The following RBFOX1 variants were observed in gnomAD, a reference collection of about 807,000 sequenced individuals.
RBFOX1 encodes the protein RNA binding protein fox-1 homolog 1.
Under a neutral mutation model 57.7 loss-of-function variants are expected in RBFOX1, and 8 were observed. The ratio of observed to expected loss-of-function variants is 0.14; its 90% CI spans 0.08 to 0.25. The LOEUF (loss-of-function observed/expected upper bound fraction) is 0.25, where lower values mean the gene tolerates loss of function less well. Among genes scored for constraint, RBFOX1 ranks in the 10% least tolerant of loss-of-function variants. The probability of loss-of-function intolerance (pLI) is 1.00; values close to 1 mark genes in which losing one functional copy is unlikely to be tolerated. For missense variants in RBFOX1, 611 were observed against 548.5 expected, an observed-to-expected ratio of 1.11 and a Z score of -1.14; for synonymous variants, 326 against 222.4, an observed-to-expected ratio of 1.47 and a Z score of -4.15.
In RBFOX1 at chr16:6,047,309, C is replaced by T. The variant is rs573622648; in HGVS notation, c.-127+27317C>T. Among the ~76,000 whole-genome samples, 216 of 152,314 alleles carry T rather than the reference C, an allele frequency of 1.4e-3. 1 individual carries two copies. The highest frequency in any genetic ancestry group is 5.1e-3 in the African/African-American group (210 of 41,578). ...TTAGGCTGACCATCTCCCCATTCCC[C>T]AAGTCTGATTCCTGGGCAGGATGCC... On this transcript the variant is annotated intron_variant, in intron 1 of 15. Transcript: ENST00000550418.
chr16:7,336,926 G>A (rs759663779), intron 4 of RBFOX1, among the ~76,000 whole-genome samples: 1 of 152,084 alleles, frequency 6.6e-6, no homozygotes, highest in African/African-American at 2.4e-5. Flanking sequence ...CATGTATTTT[G>A]CTGTAGGAAT....
chr16:6,930,840 G>T (rs2076384917), intron 3 of RBFOX1, among the ~76,000 whole-genome samples: 1 of 152,072 alleles, frequency 6.6e-6, no homozygotes, highest in African/African-American at 2.4e-5. Context: ...GTAAGAGAAT[G>T]TTCTGGATCA....
intron 3 of RBFOX1, among the ~76,000 whole-genome samples, chr16:7,012,567 T>C (rs2093703117): frequency 6.6e-6 from 1 of 152,190 alleles, no homozygotes; most frequent in African/African-American, 2.4e-5. Flanking sequence ...CTTTCTCTCT[T>C]GTACAGTGTG....
intron 3 of RBFOX1, among the ~76,000 whole-genome samples, chr16:6,934,613 G>T (rs777808498): frequency 6.6e-6 from 1 of 152,128 alleles, no homozygotes; most frequent in Non-Finnish European, 1.5e-5. Context: ...TGGAACTGGA[G>T]GTCATTGTGT....
At chr16:5,358,379 C>A (rs1360155537) in intron 1 of RBFOX1, among the ~76,000 whole-genome samples, 3 of 150,364 alleles carry the variant, frequency 2.0e-5, no homozygotes, top group Non-Finnish European at 1.5e-5. Flanking sequence ...GGGGTTAAGA[C>A]TTTAACACAT....
intron 15 of RBFOX1, chr16:7,709,447 C>G (rs1226846752): frequency 7.8e-7 from 1 of 1,278,078 alleles, no homozygotes; most frequent in Non-Finnish European, 1.0e-6. Context: ...CAATGCAGAA[C>G]TTTTTTTTTT....
chr16:7,221,325 T>C (rs1358847256), intron 4 of RBFOX1, among the ~76,000 whole-genome samples: 1 of 147,942 alleles, frequency 6.8e-6, no homozygotes, highest in African/African-American at 2.4e-5. Flanking sequence ...TTGACTTGTT[T>C]ATTCTTTATT....
At position 6,340,063 on chromosome 16, in the gene RBFOX1, T is replaced by A. The variant is rs548764555; in HGVS notation, c.-64+23006T>A. On this transcript the variant is annotated intron_variant, in intron 2 of 15. Transcript: ENST00000550418. ...GAACAATGGGGATGCAAAAGGTTGG[T>A]ATCTAGTGACTTTCAGTTAGAAGGA... Among the ~76,000 whole-genome samples, 3 of 152,266 alleles carry A rather than the reference T, an allele frequency of 2.0e-5. No individual in the cohort carries two copies. The East Asian group carries it at 5.8e-4, about 29-fold the overall frequency.
At chr16:6,493,374 C>T (rs865935460) in intron 2 of RBFOX1, among the ~76,000 whole-genome samples, 3 of 152,116 alleles carry the variant, frequency 2.0e-5, no homozygotes, top group Non-Finnish European at 2.9e-5. Flanking sequence ...TCAAATTTCC[C>T]TGTTGCTGTA....
At chr16:6,235,802 G>T (rs2097501574) in intron 1 of RBFOX1, among the ~76,000 whole-genome samples, 1 of 152,094 alleles carries the variant, frequency 6.6e-6, no homozygotes, top group Admixed American at 6.6e-5. Context: ...TGGGAGCTAA[G>T]CTACGAGGAT....
At chr16:6,963,779 A>T (rs1410456642) in intron 3 of RBFOX1, among the ~76,000 whole-genome samples, 4 of 151,688 alleles carry the variant, frequency 2.6e-5, no homozygotes, top group African/African-American at 7.3e-5. Flanking sequence ...GCTCACTGCA[A>T]GCTCCACCTC....
intron 3 of RBFOX1, among the ~76,000 whole-genome samples, chr16:6,798,762 G>A (rs1215142259): frequency 6.6e-6 from 1 of 152,110 alleles, no homozygotes; most frequent in African/African-American, 2.4e-5. Flanking sequence ...GGAACAAATG[G>A]AGTAAAAGTA....
chr16:7,356,743 G>C (rs1170812053), intron 4 of RBFOX1, among the ~76,000 whole-genome samples: 2 of 152,254 alleles, frequency 1.3e-5, no homozygotes, highest in Admixed American at 1.3e-4. Context: ...AGTGTTAACA[G>C]TTTTCTTAAA....
At chr16:7,283,715 C>T (rs140985276) in intron 4 of RBFOX1, among the ~76,000 whole-genome samples, 1 of 152,128 alleles carries the variant, frequency 6.6e-6, no homozygotes, top group Non-Finnish European at 1.5e-5. Flanking sequence ...CAGAGCTTGC[C>T]AGAAGTGAGA....
At chr16:7,389,115 G>C (rs562508297) in intron 4 of RBFOX1, among the ~76,000 whole-genome samples, 3 of 151,820 alleles carry the variant, frequency 2.0e-5, no homozygotes, top group African/African-American at 7.3e-5. Context: ...CTATTTCTTT[G>C]TTCCTTTTTA....
intron 2 of RBFOX1, among the ~76,000 whole-genome samples, chr16:6,605,585 T>A (rs948590480): frequency 6.6e-6 from 1 of 152,176 alleles, no homozygotes; most frequent in Non-Finnish European, 1.5e-5. Context: ...TCATTTTTAC[T>A]TGTGCTGCTA....
intron 4 of RBFOX1, chr16:7,510,214 G>T (rs2074647094): frequency 3.0e-6 from 3 of 985,756 alleles, no homozygotes; most frequent in South Asian, 4.7e-5. Context: ...GCACACCCTC[G>T]CTCGTAATTG....
chr16:7,476,781 G>C (rs896572082), intron 4 of RBFOX1, among the ~76,000 whole-genome samples: 4 of 152,108 alleles, frequency 2.6e-5, no homozygotes, highest in African/African-American at 9.7e-5. Context: ...GTAGGATTTG[G>C]TCTCCCCACA....
intron 1 of RBFOX1, among the ~76,000 whole-genome samples, chr16:6,193,932 A>G (rs940393348): frequency 6.6e-6 from 1 of 152,068 alleles, no homozygotes; most frequent in Non-Finnish European, 1.5e-5. Flanking sequence ...TTGCTCTCCA[A>G]GGTTCTGACC....
Sources: allele counts gnomAD v4.1 joint callset (sites outside exome capture counted in the v4.1 genomes callset), GRCh38; gene constraint gnomAD v4.1.1; transcripts MANE v1.5; gene names NCBI Gene and HGNC (gene_info 2026-07-23, HGNC 2026-07-21).